Variants in PDGFD observed in about 807,000 individuals in gnomAD.
PDGFD encodes the protein platelet derived growth factor D, also known as platelet-derived growth factor D.
Under a neutral mutation model 44.7 loss-of-function variants are expected in PDGFD, and 30 were observed. The observed-to-expected ratio is 0.67, with a 90% confidence interval of 0.50 to 0.91. The LOEUF is 0.91. PDGFD is among the 40% of genes least tolerant of loss of function. PDGFD has a pLI of 0.00. For synonymous variants in PDGFD, 173 were observed against 168.4 expected, an observed-to-expected ratio of 1.03 and a Z score of -0.21; for missense variants, 445 against 457.8, an observed-to-expected ratio of 0.97 and a Z score of 0.25.
chr11:104,153,254 C>T (rs773591753), intron 1 of PDGFD, among the ~76,000 whole-genome samples: 5 of 152,124 alleles, frequency 3.3e-5, no homozygotes, highest in Non-Finnish European at 7.4e-5. Context: ...AGTGAGAGGG[C>T]TCATGTGGCC....
chr11:103,969,474 GTTTTTTTTT>G (rs66571550), intron 3 of PDGFD, among the ~76,000 whole-genome samples: 1 of 89,808 alleles, frequency 1.1e-5, no homozygotes. Flanking sequence ...ACCAAGCCTG[GTTTTTTTTT>G]TTTTTTTTTT....
At chr11:103,998,323 C>T (rs551578356) in intron 2 of PDGFD, among the ~76,000 whole-genome samples, 2 of 152,254 alleles carry the variant, frequency 1.3e-5, no homozygotes, top group East Asian at 1.9e-4. Flanking sequence ...CCAGAAAGAA[C>T]AAGACATGAT....
At chr11:104,066,847 T>G (rs544169150) in intron 1 of PDGFD, among the ~76,000 whole-genome samples, 12 of 152,262 alleles carry the variant, frequency 7.9e-5, no homozygotes, top group Admixed American at 3.9e-4. Context: ...TATTTTCTCT[T>G]GAAGACTTTA....
At chr11:104,080,510 G>C (rs1053481738) in intron 1 of PDGFD, among the ~76,000 whole-genome samples, 1 of 152,278 alleles carries the variant, frequency 6.6e-6, no homozygotes, top group East Asian at 1.9e-4. Flanking sequence ...CTGAATTGGA[G>C]AGATTTGACA....
chr11:104,112,959 C>T (rs981725845), intron 1 of PDGFD, among the ~76,000 whole-genome samples: 5 of 152,014 alleles, frequency 3.3e-5, no homozygotes, highest in African/African-American at 1.2e-4. Flanking sequence ...AAAAAATAAT[C>T]TGTACAGCAA....
chr11:103,912,227 G>C (rs186867616), intron 6 of PDGFD, among the ~76,000 whole-genome samples: 1 of 152,192 alleles, frequency 6.6e-6, no homozygotes, highest in African/African-American at 2.4e-5. Context: ...GGCAGCCAGA[G>C]AGAAAGGTTG....
chr11:104,117,770 G>T (rs1013421840), intron 1 of PDGFD, among the ~76,000 whole-genome samples: 2 of 151,906 alleles, frequency 1.3e-5, no homozygotes, highest in African/African-American at 2.4e-5. Context: ...CATGTTCATG[G>T]ATGCGTACAA....
chr11:104,136,991 A>C (rs1348328591), intron 1 of PDGFD, among the ~76,000 whole-genome samples: 4 of 152,212 alleles, frequency 2.6e-5, no homozygotes, highest in Non-Finnish European at 4.4e-5. Flanking sequence ...TGGAAAAAAT[A>C]AGCTGGAGGT....
intron 3 of PDGFD, among the ~76,000 whole-genome samples, chr11:103,988,599 TG>T (rs1405264115): frequency 1.3e-5 from 2 of 152,170 alleles, no homozygotes; most frequent in Non-Finnish European, 2.9e-5. Context: ...GAGGATGTTA[TG>T]GATGAGATTC....
At chr11:103,924,283 T>C (rs1591078246) in intron 6 of PDGFD, among the ~76,000 whole-genome samples, 1 of 152,246 alleles carries the variant, frequency 6.6e-6, no homozygotes, top group African/African-American at 2.4e-5. Flanking sequence ...GTAGAGACCT[T>C]GTCACTTCCT....
At chr11:103,970,784 G>A (rs981775706) in intron 3 of PDGFD, among the ~76,000 whole-genome samples, 14 of 152,036 alleles carry the variant, frequency 9.2e-5, no homozygotes, top group Non-Finnish European at 1.6e-4. Flanking sequence ...ATGCTCCCTG[G>A]GGGCATAACT....
chr11:103,956,709 C>T (rs547812138), intron 3 of PDGFD, among the ~76,000 whole-genome samples: 3 of 152,036 alleles, frequency 2.0e-5, no homozygotes, highest in Non-Finnish European at 2.9e-5. Flanking sequence ...TTCTCCACAT[C>T]CTCTCCAGCA....
intron 1 of PDGFD, among the ~76,000 whole-genome samples, chr11:104,161,783 G>T (rs1256324857): frequency 6.6e-6 from 1 of 152,106 alleles, no homozygotes; most frequent in Non-Finnish European, 1.5e-5. Flanking sequence ...GGAAAAAGCT[G>T]CCATTTGAAA....
chr11:103,957,677 G>A (rs993168873), intron 3 of PDGFD, among the ~76,000 whole-genome samples: 3 of 152,204 alleles, frequency 2.0e-5, no homozygotes, highest in South Asian at 2.1e-4. Flanking sequence ...ATTTGTTCTC[G>A]ATATAGTAAG....
chr11:103,924,362 A>C (rs1288796031), intron 6 of PDGFD, among the ~76,000 whole-genome samples: 1 of 152,228 alleles, frequency 6.6e-6, no homozygotes, highest in Non-Finnish European at 1.5e-5. Flanking sequence ...AAAGGTTATA[A>C]AATTCAGGTT....
At chr11:104,012,647 G>A (rs1487735757) in intron 1 of PDGFD, among the ~76,000 whole-genome samples, 2 of 152,154 alleles carry the variant, frequency 1.3e-5, no homozygotes, top group African/African-American at 4.8e-5. Flanking sequence ...TGACTCCAGT[G>A]GAGTAGCATT....
intron 5 of PDGFD, among the ~76,000 whole-genome samples, chr11:103,930,251 G>A (rs994116586): frequency 7.9e-5 from 12 of 152,130 alleles, no homozygotes; most frequent in African/African-American, 2.7e-4. Context: ...GCACAGGGGC[G>A]CACTTTTCCT....
At chr11:103,965,708 G>A (rs1859008444) in intron 3 of PDGFD, among the ~76,000 whole-genome samples, 1 of 152,194 alleles carries the variant, frequency 6.6e-6, no homozygotes, top group South Asian at 2.1e-4. Context: ...ACTGACCATG[G>A]TAGACTTGAT....
At chr11:104,091,300 A>T (rs1388177116) in intron 1 of PDGFD, among the ~76,000 whole-genome samples, 3 of 152,026 alleles carry the variant, frequency 2.0e-5, no homozygotes, top group African/African-American at 7.2e-5. Flanking sequence ...AGAATCAGGA[A>T]TTTTTTTTCT....
Sources: gnomAD v4.1 joint callset for allele counts (sites outside exome capture counted in the v4.1 genomes callset) on GRCh38, gnomAD v4.1.1 for gene constraint, MANE v1.5 for transcripts, NCBI Gene and HGNC (gene_info 2026-07-23, HGNC 2026-07-21) for gene names.